The following ANK1 variants were observed in gnomAD, a reference collection of about 807,000 sequenced individuals.
ANK1 encodes the protein ankyrin 1.
In ANK1, 51 loss-of-function variants were observed where a neutral mutation model predicts 210.4. That is an observed-to-expected ratio of 0.24 (90% CI 0.19 to 0.31). ANK1 has a LOEUF of 0.31. Ranked by LOEUF, ANK1 falls within the 10% of genes least tolerant of loss-of-function variation. The probability of loss-of-function intolerance (pLI) is 1.00; values close to 1 mark genes in which losing one functional copy is unlikely to be tolerated. For missense variants in ANK1, 2,051 were observed against 2,504.4 expected (o/e 0.82, Z 3.86); for synonymous variants, 967 against 1,025.9 (o/e 0.94, Z 1.10).
intron 1 of ANK1, among the ~76,000 whole-genome samples, chr8:41,813,585 C>T (rs1057053381): frequency 5.9e-5 from 9 of 152,164 alleles, no homozygotes; most frequent in African/African-American, 2.2e-4. Flanking sequence ...TTGGCCTGAG[C>T]ATTTACAAAA....
intron 1 of ANK1, among the ~76,000 whole-genome samples, chr8:41,795,696 A>C (rs977813699): frequency 6.6e-6 from 1 of 152,092 alleles, no homozygotes; most frequent in Non-Finnish European, 1.5e-5. Flanking sequence ...ATAGGAGCTA[A>C]AAAAGTTGAT....
At chr8:41,759,636 G>A (rs1563688881) in intron 1 of ANK1, among the ~76,000 whole-genome samples, 1 of 152,210 alleles carries the variant, frequency 6.6e-6, no homozygotes. Context: ...GACGATGTGG[G>A]TAGGTTATAT....
At chr8:41,756,354 C>A (rs1391621398) in intron 2 of ANK1, among the ~76,000 whole-genome samples, 1 of 151,024 alleles carries the variant, frequency 6.6e-6, no homozygotes, top group Non-Finnish European at 1.5e-5. Context: ...CCATATTGGC[C>A]AGGCTAGTCT....
intron 1 of ANK1, among the ~76,000 whole-genome samples, chr8:41,761,375 A>G (rs1337062871): frequency 6.3e-5 from 6 of 95,402 alleles, no homozygotes; most frequent in African/African-American, 1.2e-4. Context: ...CTGTGTGCAC[A>G]CACACACACA....
At chr8:41,824,953 C>T (rs1805111444) in intron 1 of ANK1, among the ~76,000 whole-genome samples, 1 of 152,194 alleles carries the variant, frequency 6.6e-6, no homozygotes, top group Non-Finnish European at 1.5e-5. Flanking sequence ...TGAAGGGCCC[C>T]CATTTCTTGC....
At chr8:41,741,034 A>T (rs983507604) in intron 2 of ANK1, among the ~76,000 whole-genome samples, 28 of 152,282 alleles carry the variant, frequency 1.8e-4, no homozygotes, top group African/African-American at 6.7e-4. Context: ...TCATGCACCC[A>T]TGGGGACCTG....
intron 1 of ANK1, among the ~76,000 whole-genome samples, chr8:41,789,469 C>G (rs1418058842): frequency 1.3e-5 from 2 of 152,196 alleles, no homozygotes; most frequent in Non-Finnish European, 2.9e-5. Flanking sequence ...CAGAAAGCAG[C>G]AGAGCACAGT....
chr8:41,778,381 T>C (rs1844565207), intron 1 of ANK1, among the ~76,000 whole-genome samples: 1 of 152,226 alleles, frequency 6.6e-6, no homozygotes, highest in African/African-American at 2.4e-5. Flanking sequence ...CAGAGAGGGC[T>C]ACAGCACTGG....
intron 1 of ANK1, among the ~76,000 whole-genome samples, chr8:41,816,346 G>A (rs971221481): frequency 3.1e-4 from 47 of 152,268 alleles, no homozygotes; most frequent in African/African-American, 3.1e-4. Context: ...ATAGTCTTAC[G>A]ATTTTAAACA....
chr8:41,718,552 A>T (rs1410047964), intron 10 of ANK1, among the ~76,000 whole-genome samples: 1 of 152,220 alleles, frequency 6.6e-6, no homozygotes, highest in African/African-American at 2.4e-5. Flanking sequence ...TTGTGAAGCA[A>T]ATCATGTTCC....
In ANK1 at chr8:41,774,982, G is replaced by A. The variant is rs540798567; in HGVS notation, c.28-16845C>T. Among the ~76,000 whole-genome samples, 213 of 152,292 alleles carry A rather than the reference G, an allele frequency of 1.4e-3. 1 individual carries two copies. The highest frequency in any genetic ancestry group is 2.5e-3 in the Non-Finnish European group (167 of 68,032). ...CTTCCTCTGCGGCCTGCTGGTATGC[G>A]AGGAGGAGGAGCACATACTGGAGAA... is the stretch of plus-strand genomic sequence containing the variant. On this transcript the variant is annotated intron_variant, in intron 1 of 42. Coordinates refer to ENST00000289734, the MANE Select transcript of ANK1 (RefSeq NM_000037.4).
chr8:41,818,016 G>A (rs984811664), intron 1 of ANK1, among the ~76,000 whole-genome samples: 11 of 152,218 alleles, frequency 7.2e-5, no homozygotes, highest in Non-Finnish European at 1.5e-4. Context: ...CAACCTTTTG[G>A]ATGGCCACCT....
At chr8:41,850,095 G>A (rs1322418621) in intron 1 of ANK1, among the ~76,000 whole-genome samples, 5 of 152,122 alleles carry the variant, frequency 3.3e-5, no homozygotes, top group Non-Finnish European at 5.9e-5. Context: ...GGCTCAGCAC[G>A]CTTCGTGAAG....
chr8:41,660,486 C>T (rs1214959222), intron 42 of ANK1: 6 of 456,262 alleles, frequency 1.3e-5, no homozygotes, highest in Admixed American at 5.5e-5. Context: ...TGAAGGGCCT[C>T]GGGGCAGCTC....
At chr8:41,769,977 C>CTTTTTTTTTTTTTTTTTTTTT (rs59542968) in intron 1 of ANK1, among the ~76,000 whole-genome samples, 95 of 86,588 alleles carry the variant, frequency 1.1e-3, no homozygotes, top group Non-Finnish European at 1.3e-3. Flanking sequence ...TTTCTTTTTT[C>CTTTTTTTTTTTTTTTTTTTTT]TTTTTTTTTT....
chr8:41,844,581 C>T, intron 1 of ANK1, among the ~76,000 whole-genome samples: 1 of 152,202 alleles, frequency 6.6e-6, no homozygotes, highest in East Asian at 1.9e-4. Flanking sequence ...AGCCTCGGGG[C>T]CCCAGCCCTG....
Position 41,702,381 on chromosome 8 carries a change from G to T in ANK1, c.2296-237C>A, listed in dbSNP as rs1040624564. On this transcript the variant is annotated intron_variant, in intron 20 of 42. Coordinates refer to ENST00000289734, the MANE Select transcript of ANK1 (RefSeq NM_000037.4). ...GGGAGGGCAGCGGTGCTTTCGATCT[G>T]CAGCGTCAAGTGTGGGGCCTTGCAA... Among the ~76,000 whole-genome samples, 7 of 152,124 alleles carry T rather than the reference G, an allele frequency of 4.6e-5. No individual in the cohort carries two copies. In the East Asian group the frequency reaches 1.4e-3, roughly 29 times the overall value.
chr8:41,874,543 T>C (rs905819469), intron 1 of ANK1, among the ~76,000 whole-genome samples: 8 of 152,206 alleles, frequency 5.3e-5, no homozygotes, highest in African/African-American at 1.9e-4. Context: ...TCCACTTCTT[T>C]CAGAGTGTGT....
intron 42 of ANK1, among the ~76,000 whole-genome samples, chr8:41,657,173 T>C (rs1481285814): frequency 6.6e-6 from 1 of 152,150 alleles, no homozygotes. Flanking sequence ...CCCTTTTGTA[T>C]TTTGTAAAAA....
Sources: gnomAD v4.1 joint callset for allele counts (sites outside exome capture counted in the v4.1 genomes callset) on GRCh38, gnomAD v4.1.1 for gene constraint, MANE v1.5 for transcripts, NCBI Gene and HGNC (gene_info 2026-07-23, HGNC 2026-07-21) for gene names.